The following ZFHX3 variants were observed in gnomAD, a reference collection of about 807,000 sequenced individuals.
The protein encoded by ZFHX3 is zinc finger homeobox 3.
A neutral mutation model predicts 279.1 loss-of-function variants in ZFHX3; 42 were observed. That is an observed-to-expected ratio of 0.15 (90% CI 0.12 to 0.19). ZFHX3 has a LOEUF of 0.19. Among genes scored for constraint, ZFHX3 ranks in the 10% least tolerant of loss-of-function variants. ZFHX3 has a pLI of 1.00. For missense variants in ZFHX3, 4,981 were observed against 4,754.0 expected (o/e 1.05, Z -1.40); for synonymous variants, 2,293 against 1,957.8 (o/e 1.17, Z -4.52).
chr16:73,622,558 T>C (rs1265457637), intron 2 of ZFHX3, among the ~76,000 whole-genome samples: 1 of 149,128 alleles, frequency 6.7e-6, no homozygotes, highest in Admixed American at 6.6e-5. Flanking sequence ...TGAGACTCTG[T>C]CTCCAAAAAA....
chr16:73,054,641 C>G (rs1965513541), intron 1 of ZFHX3, among the ~76,000 whole-genome samples: 1 of 151,828 alleles, frequency 6.6e-6, no homozygotes, highest in Non-Finnish European at 1.5e-5. Flanking sequence ...TTATTTTAAG[C>G]AAACCAAGAA....
At chr16:73,058,073 G>C (rs1965601619) in intron 1 of ZFHX3, among the ~76,000 whole-genome samples, 1 of 146,014 alleles carries the variant, frequency 6.8e-6, no homozygotes. Flanking sequence ...CTCCGAGCTG[G>C]TACCCCGGCC....
At chr16:72,846,886 T>G (rs2037495100) in intron 4 of ZFHX3, among the ~76,000 whole-genome samples, 1 of 152,152 alleles carries the variant, frequency 6.6e-6, no homozygotes, top group Admixed American at 6.5e-5. Flanking sequence ...GGCTATCCTT[T>G]GCCATGGGCG....
chr16:73,877,844 C>A (rs924035899), intron 1 of ZFHX3, among the ~76,000 whole-genome samples: 1 of 152,002 alleles, frequency 6.6e-6, no homozygotes, highest in Non-Finnish European at 1.5e-5. Context: ...AAAACACACA[C>A]AAAGACATAC....
intron 4 of ZFHX3, among the ~76,000 whole-genome samples, chr16:72,834,454 G>T (rs773020393): frequency 2.6e-5 from 4 of 152,222 alleles, no homozygotes; most frequent in Non-Finnish European, 2.9e-5. Context: ...CTTCAGTTAA[G>T]GGGATGATAC....
chr16:73,859,116 G>A (rs1250403950), intron 1 of ZFHX3, among the ~76,000 whole-genome samples: 1 of 152,136 alleles, frequency 6.6e-6, no homozygotes, highest in African/African-American at 2.4e-5. Flanking sequence ...GTCCAACATG[G>A]GGAATTAGGA....
At chr16:73,747,098 A>G (rs1426969830) in intron 1 of ZFHX3, among the ~76,000 whole-genome samples, 1 of 152,324 alleles carries the variant, frequency 6.6e-6, no homozygotes, top group East Asian at 1.9e-4. Context: ...CAGCTCATAT[A>G]TCTTACAGGG....
intron 1 of ZFHX3, among the ~76,000 whole-genome samples, chr16:73,773,344 C>T (rs537667094): frequency 5.3e-4 from 81 of 152,334 alleles, no homozygotes; most frequent in African/African-American, 1.6e-3. Context: ...AGTAGTTCTC[C>T]CCATCCCTTG....
chr16:73,283,858 A>G (rs1597261292), intron 4 of ZFHX3, among the ~76,000 whole-genome samples: 1 of 152,162 alleles, frequency 6.6e-6, no homozygotes, highest in African/African-American at 2.4e-5. Flanking sequence ...CAGAGGCAGG[A>G]GGCTCACTTG....
intron 2 of ZFHX3, among the ~76,000 whole-genome samples, chr16:73,634,313 A>T (rs923936800): frequency 6.6e-6 from 1 of 151,694 alleles, no homozygotes; most frequent in South Asian, 2.1e-4. Flanking sequence ...GTTTTCACAT[A>T]TAAGTCGATG....
chr16:72,787,541 G>T lies in ZFHX3; in HGVS notation c.10735C>A (p.Pro3579Thr). 6.2e-7 allele frequency: 1 copy of T among 1,614,064 alleles called. No homozygotes were observed. ...GAGGTAGATGCGGTGCTAGGATCGG[G>T]GAAGCAGGCAGAGTGAGGTAATAAA... ...PSLLPHSACF[P>T]DPSTASTSQS... Residue 3579 changes from proline to threonine, a missense_variant, in exon 10 of 10, where the codon CCC becomes ACC. Pro to Thr is a conservative substitution (Grantham distance 38). Around this residue, in one of 7 missense-constraint regions of ZFHX3, gnomAD observed 1,034 missense variants for 786.0 expected, o/e 1.32. Coordinates refer to ENST00000268489, the MANE Select transcript of ZFHX3 (RefSeq NM_006885.4).
rs553445343 is a variant in ZFHX3 at position 73,706,138 on chromosome 16, C to A, written c.-1607-25898G>T. ...TGGACAACATAGTAAGACCTCATCT[C>A]TACAAAAATAAACAGAATTAGAAAA... On this transcript the variant is annotated intron_variant, in intron 1 of 17. Coordinates refer to the ZFHX3 transcript ENST00000641206. Among the ~76,000 whole-genome samples, 5 of 152,140 alleles carry A rather than the reference C, an allele frequency of 3.3e-5. No individual in the cohort carries two copies. In the South Asian group the frequency reaches 1.0e-3, roughly 32 times the overall value.
intron 4 of ZFHX3, among the ~76,000 whole-genome samples, chr16:72,845,451 C>CTGCCCGGGCAGG (rs2037454524): frequency 6.6e-6 from 1 of 152,210 alleles, no homozygotes; most frequent in Non-Finnish European, 1.5e-5. Context: ...ATCCCGGCAC[C>CTGCCCGGGCAGG]TGCCCGCTGG....
intron 3 of ZFHX3, among the ~76,000 whole-genome samples, chr16:73,438,279 G>A (rs1230658717): frequency 1.3e-5 from 2 of 152,160 alleles, no homozygotes; most frequent in Non-Finnish European, 2.9e-5. Flanking sequence ...CAGATTAACA[G>A]CAAATGGAGG....
intron 7 of ZFHX3, among the ~76,000 whole-genome samples, chr16:73,121,873 C>T (rs371389993): frequency 7.2e-5 from 11 of 152,116 alleles, no homozygotes; most frequent in African/African-American, 2.7e-4. Flanking sequence ...CCTCGGCCTC[C>T]GAAAGTGTTG....
chr16:73,868,199 A>G (rs571216064), intron 1 of ZFHX3, among the ~76,000 whole-genome samples: 24 of 152,222 alleles, frequency 1.6e-4, no homozygotes, highest in African/African-American at 5.1e-4. Flanking sequence ...GGTGAAATCT[A>G]CAGTGTCCAC....
At chr16:73,429,874 G>A (rs1029730240) in intron 3 of ZFHX3, among the ~76,000 whole-genome samples, 3 of 151,828 alleles carry the variant, frequency 2.0e-5, no homozygotes. Context: ...TAATTGATGA[G>A]AGCCTTCTCT....
At chr16:73,730,378 A>AAG (rs2053559657) in intron 1 of ZFHX3, among the ~76,000 whole-genome samples, 1 of 149,210 alleles carries the variant, frequency 6.7e-6, no homozygotes, top group African/African-American at 2.5e-5. Flanking sequence ...AAAAAAAAGA[A>AAG]AAAGAGAGAG....
intron 1 of ZFHX3, among the ~76,000 whole-genome samples, chr16:73,870,319 G>A (rs1380441048): frequency 6.6e-6 from 1 of 152,144 alleles, no homozygotes; most frequent in African/African-American, 2.4e-5. Flanking sequence ...AAAGGCAATG[G>A]CAGTAACAAA....
Sources: allele counts gnomAD v4.1 joint callset (sites outside exome capture counted in the v4.1 genomes callset), GRCh38; gene constraint gnomAD v4.1.1; regional missense constraint gnomAD v4.1.1; transcripts MANE v1.5; gene names NCBI Gene and HGNC (gene_info 2026-07-23, HGNC 2026-07-21).